RHCE: variants seen among roughly 807,000 people sequenced by gnomAD.
RHCE encodes Rh blood group CcEe antigens.
In RHCE, 22 loss-of-function variants were observed where a neutral mutation model predicts 43.8. That is an observed-to-expected ratio of 0.50 (90% confidence interval 0.36 to 0.72). RHCE has a LOEUF of 0.72. RHCE is among the 30% of genes least tolerant of loss of function. RHCE has a pLI of 0.00. For synonymous variants in RHCE, 156 were observed against 210.7 expected (o/e 0.74, Z 2.25); for missense variants, 385 against 525.4 (o/e 0.73, Z 2.61).
upstream of RHCE, chr1:25,421,080 G>C: frequency 2.3e-6 from 1 of 427,248 alleles, no homozygotes. Context: ...CTATTCCTTT[G>C]ACACCCAAAC....
chr1:25,381,591 G>A (rs593348), intron 7 of RHCE, among the ~76,000 whole-genome samples: 91 of 152,008 alleles, frequency 6.0e-4, no homozygotes, highest in African/African-American at 2.0e-3. Context: ...TGAGTAGCTG[G>A]GATTACAGGT....
intron 7 of RHCE, among the ~76,000 whole-genome samples, chr1:25,382,710 C>G (rs1646036853): frequency 6.6e-6 from 1 of 152,028 alleles, no homozygotes; most frequent in African/African-American, 2.4e-5. Flanking sequence ...GGGAAGTGAA[C>G]CAAGAATTCC....
At chr1:25,402,002 G>T (rs368097270) in intron 3 of RHCE, among the ~76,000 whole-genome samples, 1 of 152,164 alleles carries the variant, frequency 6.6e-6, no homozygotes, top group East Asian at 1.9e-4. Flanking sequence ...TCAGCCTCCT[G>T]AGTAGCTGGG....
chr1:25,397,239 C>T (rs1239673581), intron 3 of RHCE, among the ~76,000 whole-genome samples: 1 of 149,570 alleles, frequency 6.7e-6, no homozygotes, highest in Non-Finnish European at 1.5e-5. Flanking sequence ...GCTCACACCT[C>T]TAATCCCAGC....
intron 3 of RHCE, among the ~76,000 whole-genome samples, chr1:25,400,030 C>T (rs1646682652): frequency 6.6e-6 from 1 of 151,842 alleles, no homozygotes; most frequent in African/African-American, 2.4e-5. Context: ...ATGAACTGTC[C>T]CTGCATCGGC....
chr1:25,410,559 T>C (rs994213211), intron 1 of RHCE, among the ~76,000 whole-genome samples: 5 of 151,806 alleles, frequency 3.3e-5, no homozygotes, highest in African/African-American at 1.2e-4. Flanking sequence ...CCTCCTGTGC[T>C]TCAGTGGGAA....
chr1:25,383,843 A>G (rs1017893434), intron 7 of RHCE, among the ~76,000 whole-genome samples: 6 of 152,210 alleles, frequency 3.9e-5, no homozygotes, highest in African/African-American at 1.4e-4. Flanking sequence ...CGTCTCCTTG[A>G]TAGCTTGAAC....
intron 7 of RHCE, among the ~76,000 whole-genome samples, chr1:25,377,858 T>C (rs1645836428): frequency 6.6e-6 from 1 of 152,190 alleles, no homozygotes; most frequent in South Asian, 2.1e-4. Flanking sequence ...TGAGCTGAGA[T>C]AGCGCCACTG....
At chr1:25,387,038 A>T (rs72885101) in intron 6 of RHCE, among the ~76,000 whole-genome samples, 129 of 152,238 alleles carry the variant, frequency 8.5e-4, no homozygotes, top group African/African-American at 2.9e-3. Context: ...CTCAATAAAT[A>T]AAAAAATAAG....
intron 5 of RHCE, 118 bp downstream of exon 5, chr1:25,390,631 C>T: frequency 1.6e-6 from 2 of 1,221,554 alleles, no homozygotes; most frequent in Non-Finnish European, 2.4e-6. Flanking sequence ...GCAGGCACAG[C>T]TCCACCACCC....
chr1:25,422,741 G>A (rs2042775936), upstream of RHCE, among the ~76,000 whole-genome samples: 2 of 152,196 alleles, frequency 1.3e-5, no homozygotes, highest in South Asian at 4.1e-4. Flanking sequence ...TTTGGCACCA[G>A]GGACGGGTTT....
upstream of RHCE, among the ~76,000 whole-genome samples, chr1:25,424,318 C>T (rs1390284138): frequency 3.3e-5 from 5 of 152,190 alleles, no homozygotes; most frequent in Admixed American, 2.6e-4. Context: ...TGGCTTGCTC[C>T]CCACCTCACC....
chr1:25,411,282 C>T (rs1647067611), intron 1 of RHCE: 1 of 1,547,052 alleles, frequency 6.5e-7, no homozygotes, highest in Admixed American at 2.0e-5. Context: ...GGAGAACACT[C>T]AATAAATAGT....
At chr1:25,378,297 A>C (rs190306817) in intron 7 of RHCE, among the ~76,000 whole-genome samples, 48 of 152,360 alleles carry the variant, frequency 3.2e-4, no homozygotes, top group Admixed American at 6.5e-4. Flanking sequence ...ATAACTCAAC[A>C]ATTTCACTTC....
chr1:25,417,218 A>G (rs1016949274), intron 1 of RHCE, among the ~76,000 whole-genome samples: 3 of 152,064 alleles, frequency 2.0e-5, no homozygotes, highest in African/African-American at 7.2e-5. Context: ...ATCGTAAGAT[A>G]TTCATGCTAT....
At chr1:25,389,187 C>T (rs1199373272) in intron 5 of RHCE, 74 bp from the exon 6 acceptor site, 13 of 1,509,830 alleles carry the variant, frequency 8.6e-6, no homozygotes, top group Admixed American at 7.1e-5. Flanking sequence ...GTGACCAGCA[C>T]GCTGGGAACA....
chr1:25,389,617 G>T (rs989757975), intron 5 of RHCE, among the ~76,000 whole-genome samples: 1 of 152,138 alleles, frequency 6.6e-6, no homozygotes, highest in Non-Finnish European at 1.5e-5. Context: ...TAAGGTTATT[G>T]TAAGGATTAA....
chr1:25,416,914 GTT>G lies in RHCE; in HGVS notation c.148+3723_148+3724del, dbSNP rs200256174. 7.0e-3 allele frequency among the ~76,000 whole-genome samples: 950 copies of G among 135,544 alleles called. 13 individuals carry two copies. Among genetic ancestry groups the G allele is most frequent in the African/African-American group, 0.023 (855 of 37,450 alleles). 88.9% of individuals were successfully genotyped at this position (135,544 alleles called of 152,430 possible). The stretch of plus-strand genomic sequence containing the variant: ...GCCTCCCTAAGTGCTCAGCCAGGGT[GTT>G]TTTTTTTTTTTTAATTAACTATTAC... On this transcript the variant is annotated intron_variant, in intron 1 of 9. Transcript: ENST00000294413.
At chr1:25,383,919 A>T (rs621189) in intron 7 of RHCE, among the ~76,000 whole-genome samples, 151,690 of 152,334 alleles carry the variant, frequency 1, 75,527 homozygotes, top group Middle Eastern at 1. Flanking sequence ...CTTTATTTTC[A>T]TGGAAAGCCA....
Sources: allele counts gnomAD v4.1 joint callset (sites outside exome capture counted in the v4.1 genomes callset), GRCh38; gene constraint gnomAD v4.1.1; transcripts MANE v1.5; gene names NCBI Gene and HGNC (gene_info 2026-07-23, HGNC 2026-07-21).